Variants in SPAG9 observed in about 807,000 individuals in gnomAD.
SPAG9 encodes sperm associated antigen 9.
Under a neutral mutation model 166.5 loss-of-function variants are expected in SPAG9, and 35 were observed. The ratio of observed to expected loss-of-function variants is 0.21; its 90% CI spans 0.16 to 0.28. The LOEUF (loss-of-function observed/expected upper bound fraction) is 0.28, where lower values mean the gene tolerates loss of function less well. Ranked by LOEUF, SPAG9 falls within the 10% of genes least tolerant of loss-of-function variation. The pLI is 1.00. For missense variants in SPAG9, 1,235 were observed against 1,603.3 expected (o/e 0.77, Z 3.92); for synonymous variants, 534 against 565.5 (o/e 0.94, Z 0.79).
chr17:51,057,276 G>T (rs894473647), intron 2 of SPAG9, among the ~76,000 whole-genome samples: 1 of 152,162 alleles, frequency 6.6e-6, no homozygotes, highest in Non-Finnish European at 1.5e-5. Context: ...CAGACTGGAG[G>T]AGCCCATACT....
chr17:50,985,848 C>T (rs777971367), intron 22 of SPAG9, 70 bp from the exon 23 acceptor site: 4 of 837,168 alleles, frequency 4.8e-6, no homozygotes, highest in South Asian at 3.5e-5. Context: ...TAACAATGAT[C>T]GCGAAGTTCA....
chr17:51,089,663 T>TATATATATATATATATAC (rs1403230293), intron 1 of SPAG9, among the ~76,000 whole-genome samples: 1 of 78,310 alleles, frequency 1.3e-5, no homozygotes, highest in Non-Finnish European at 2.6e-5. Flanking sequence ...TATATATATA[T>TATATATATATATATATAC]ACACATACAC....
chr17:50,993,964 A>C (rs779647371), intron 18 of SPAG9, 29 bp from the exon 19 acceptor site: 23 of 1,590,832 alleles, frequency 1.4e-5, no homozygotes, highest in Non-Finnish European at 2.0e-5. Context: ...AAAAATGTTT[A>C]AAACAATATG....
chr17:51,041,697 T>G (rs761567248), intron 4 of SPAG9, 46 bp from the exon 5 acceptor site: 1 of 1,584,492 alleles, frequency 6.3e-7, no homozygotes, highest in Non-Finnish European at 8.6e-7. Context: ...TTATTTTGAC[T>G]TTTTATTTGC....
At chr17:51,026,320 G>GAAAAAAAAA (rs55851511) in intron 6 of SPAG9, among the ~76,000 whole-genome samples, 47 of 89,114 alleles carry the variant, frequency 5.3e-4, no homozygotes, top group East Asian at 7.8e-4. Context: ...GGTGAAAAGA[G>GAAAAAAAAA]AAAAAAAAAA....
At chr17:51,052,334 C>T (rs1223894361) in intron 3 of SPAG9, among the ~76,000 whole-genome samples, 1 of 152,094 alleles carries the variant, frequency 6.6e-6, no homozygotes, top group Non-Finnish European at 1.5e-5. Context: ...ATCTCTAGAA[C>T]AGATGTATAA....
intron 13 of SPAG9, among the ~76,000 whole-genome samples, chr17:51,001,269 A>G (rs541164432): frequency 4.9e-4 from 75 of 152,358 alleles, no homozygotes; most frequent in African/African-American, 1.7e-3. Flanking sequence ...TTTAAGAGCC[A>G]TCTGACTGAA....
chr17:51,010,450 G>A (rs564016122), intron 9 of SPAG9, among the ~76,000 whole-genome samples: 1 of 152,040 alleles, frequency 6.6e-6, no homozygotes, highest in East Asian at 1.9e-4. Flanking sequence ...AGTAAAGTAT[G>A]AAGAGTGGTA....
At position 50,993,884 on chromosome 17, in the gene SPAG9, T is replaced by C. The variant is rs765329579; in HGVS notation, c.2278A>G (p.Ile760Val). The stretch of plus-strand genomic sequence containing the variant: ...GTAGCCGAATGAGTGCTGGTACAGA[T>C]CCAAACTAGACTGGATAATTCTTCT... ...NQEELSSLVWICTSTHSATKV... is the reference protein window; with the variant it reads ...NQEELSSLVWVCTSTHSATKV... Residue 760 changes from isoleucine to valine, a missense_variant, in exon 19 of 30, where the codon ATC (isoleucine) becomes GTC (valine). Transcript: ENST00000262013. 1 of 1,614,078 alleles carries C rather than the reference T, an allele frequency of 6.2e-7. No individual in the cohort carries two copies. Among genetic ancestry groups the C allele is most frequent in the African/African-American group, 1.3e-5 (1 of 74,926 alleles).
chr17:51,085,792 G>A (rs2048288969), intron 1 of SPAG9, among the ~76,000 whole-genome samples: 1 of 152,014 alleles, frequency 6.6e-6, no homozygotes, highest in Admixed American at 6.6e-5. Context: ...TGAGTATATT[G>A]TGAAAACAGA....
At chr17:51,021,978 C>T (rs751158851) in intron 6 of SPAG9, among the ~76,000 whole-genome samples, 2 of 151,880 alleles carry the variant, frequency 1.3e-5, no homozygotes, top group Admixed American at 6.6e-5. Context: ...CAAAAAGTAG[C>T]CAGGCATGGT....
chr17:51,108,000 G>A (rs531215535), intron 1 of SPAG9, among the ~76,000 whole-genome samples: 1 of 151,144 alleles, frequency 6.6e-6, no homozygotes, highest in South Asian at 2.1e-4. Context: ...TTATCAGCAG[G>A]TAAAAGAATT....
chr17:51,072,162 C>T (rs925211089), intron 2 of SPAG9, among the ~76,000 whole-genome samples: 1 of 151,986 alleles, frequency 6.6e-6, no homozygotes, highest in Non-Finnish European at 1.5e-5. Flanking sequence ...ACCTCCGCCT[C>T]CCAGGTTAAA....
Position 51,055,355 on chromosome 17 carries a change from A to T in SPAG9, c.495+1057T>A, listed in dbSNP as rs574294162. Among the ~76,000 whole-genome samples, 97 of 149,376 alleles carry T rather than the reference A, an allele frequency of 6.5e-4. 1 individual carries two copies. The highest frequency in any genetic ancestry group is 3.4e-3 in the Middle Eastern group (1 of 290). ...GCAACAGAGCAAGACTCTCTCTCTCACACACACACACACACAAGCAACAAC... is the reference window on the plus strand; with the variant it reads ...GCAACAGAGCAAGACTCTCTCTCTCTCACACACACACACACAAGCAACAAC... On this transcript the variant is annotated intron_variant, in intron 3 of 29. Coordinates refer to ENST00000262013, the MANE Select transcript of SPAG9 (RefSeq NM_001130528.3).
intron 22 of SPAG9, among the ~76,000 whole-genome samples, chr17:50,986,295 C>T (rs999629528): frequency 1.3e-5 from 2 of 152,186 alleles, no homozygotes; most frequent in Non-Finnish European, 2.9e-5. Context: ...AACTACAATG[C>T]CCATAATGCT....
intron 8 of SPAG9, chr17:51,016,367 T>C (rs1480592266): frequency 6.6e-6 from 1 of 152,184 alleles, no homozygotes; most frequent in African/African-American, 2.4e-5. Context: ...CCAGGGATGA[T>C]AGTGAGGGCA....
intron 3 of SPAG9, among the ~76,000 whole-genome samples, chr17:51,051,640 A>C (rs1244316336): frequency 6.6e-6 from 1 of 152,116 alleles, no homozygotes. Flanking sequence ...GAATCACATG[A>C]ACCCTGGAGG....
intron 24 of SPAG9, among the ~76,000 whole-genome samples, chr17:50,983,023 A>T (rs933116082): frequency 6.6e-6 from 1 of 152,246 alleles, no homozygotes; most frequent in Non-Finnish European, 1.5e-5. Context: ...AACGTCTCTC[A>T]GTCACGTGCA....
chr17:50,973,854 C>G (rs1974007239), intron 28 of SPAG9, among the ~76,000 whole-genome samples: 1 of 152,210 alleles, frequency 6.6e-6, no homozygotes, highest in South Asian at 2.1e-4. Flanking sequence ...CCCGGGGTCT[C>G]CAGCCTGCCA....
Sources: allele counts gnomAD v4.1 joint callset (sites outside exome capture counted in the v4.1 genomes callset), GRCh38; gene constraint gnomAD v4.1.1; transcripts MANE v1.5; gene names NCBI Gene and HGNC (gene_info 2026-07-23, HGNC 2026-07-21).